Variants in DPYSL3 observed in about 807,000 individuals in gnomAD.
DPYSL3 encodes the protein dihydropyrimidinase like 3, also known as dihydropyrimidinase-related protein 3.
A neutral mutation model predicts 66.1 loss-of-function variants in DPYSL3; 16 were observed. The ratio of observed to expected loss-of-function variants is 0.24; its 90% CI spans 0.16 to 0.37. The LOEUF (loss-of-function observed/expected upper bound fraction) is 0.37, where lower values mean the gene tolerates loss of function less well. DPYSL3 is among the 10% of genes least tolerant of loss of function. The pLI is 1.00. For missense variants in DPYSL3, 738 were observed against 916.2 expected, an observed-to-expected ratio of 0.81 and a Z score of 2.51; for synonymous variants, 338 against 345.1, an observed-to-expected ratio of 0.98 and a Z score of 0.23.
chr5:147,426,428 T>C (rs186954590), intron 1 of DPYSL3, among the ~76,000 whole-genome samples: 1 of 152,060 alleles, frequency 6.6e-6, no homozygotes, highest in Non-Finnish European at 1.5e-5. Context: ...AGTTTGAGTT[T>C]GAATGAAAAT....
chr5:147,435,032 C>A (rs567637323), intron 1 of DPYSL3, among the ~76,000 whole-genome samples: 18 of 152,186 alleles, frequency 1.2e-4, no homozygotes, highest in African/African-American at 4.1e-4. Flanking sequence ...TATGGGAGCT[C>A]TCTGTACTTT....
At chr5:147,399,485 A>C (rs1758107942) in intron 10 of DPYSL3, among the ~76,000 whole-genome samples, 1 of 152,142 alleles carries the variant, frequency 6.6e-6, no homozygotes, top group Non-Finnish European at 1.5e-5. Flanking sequence ...CTGCCCCTGA[A>C]GTATGCATTT....
chr5:147,468,991 G>T (rs1309107868), intron 1 of DPYSL3, among the ~76,000 whole-genome samples: 2 of 152,130 alleles, frequency 1.3e-5, no homozygotes, highest in Non-Finnish European at 2.9e-5. Context: ...TACAATGTAC[G>T]CTATTTTCCA....
chr5:147,405,847 G>A (rs1159439430), intron 7 of DPYSL3, 117 bp from the exon 8 acceptor site: 9 of 1,388,908 alleles, frequency 6.5e-6, no homozygotes, highest in Admixed American at 4.7e-5. Context: ...AATTTTGGCA[G>A]GATCTGGAAT....
chr5:147,414,696 G>A (rs944051474), intron 4 of DPYSL3, among the ~76,000 whole-genome samples: 1 of 152,200 alleles, frequency 6.6e-6, no homozygotes, highest in Non-Finnish European at 1.5e-5. Flanking sequence ...CGCAAATACA[G>A]AAAGAAGGAG....
chr5:147,492,870 A>G (rs1489073012), intron 1 of DPYSL3, among the ~76,000 whole-genome samples: 1 of 152,196 alleles, frequency 6.6e-6, no homozygotes, highest in Admixed American at 6.5e-5. Context: ...TCAATGATCC[A>G]AATACACCAG....
At chr5:147,404,497 T>A (rs1374352638) in intron 8 of DPYSL3, among the ~76,000 whole-genome samples, 1 of 152,190 alleles carries the variant, frequency 6.6e-6, no homozygotes, top group Non-Finnish European at 1.5e-5. Context: ...TGGGCCTCTC[T>A]ACTACCAGAA....
chr5:147,490,092 G>C (rs1753392844), intron 1 of DPYSL3, among the ~76,000 whole-genome samples: 1 of 152,042 alleles, frequency 6.6e-6, no homozygotes, highest in African/African-American at 2.4e-5. Context: ...TGTGGCCCAA[G>C]TAATGTTACT....
chr5:147,484,230 T>C (rs1464774876), intron 1 of DPYSL3, among the ~76,000 whole-genome samples: 1 of 152,190 alleles, frequency 6.6e-6, no homozygotes, highest in Non-Finnish European at 1.5e-5. Context: ...TCTCCTAAAG[T>C]GGTTTCCTCC....
Position 147,503,173 on chromosome 5 carries a change from T to C in DPYSL3, c.381+6305A>G, listed in dbSNP as rs73264248. Among the ~76,000 whole-genome samples, 1,461 of 152,300 alleles carry C rather than the reference T, an allele frequency of 9.6e-3. 18 individuals are homozygous for C. Among genetic ancestry groups the C allele is most frequent in the African/African-American group, 0.034 (1,404 of 41,562 alleles). ...TATTATCTATTTAGTCTAGGGACCA[T>C]AGACTTCCAAGCACTCACCCAATTT... On this transcript the variant is annotated intron_variant, in intron 1 of 13. Coordinates refer to ENST00000343218, the MANE Select transcript of DPYSL3 (RefSeq NM_001197294.2).
intron 1 of DPYSL3, among the ~76,000 whole-genome samples, chr5:147,457,029 T>C (rs1457164865): frequency 7.3e-6 from 1 of 137,318 alleles, no homozygotes; most frequent in African/African-American, 3.3e-5. Context: ...CCATCACTCA[T>C]TCATTCATTC....
chr5:147,453,484 C>G, intron 1 of DPYSL3: 1 of 1,497,898 alleles, frequency 6.7e-7, no homozygotes, highest in Non-Finnish European at 8.9e-7. Context: ...CCGAGCCGAC[C>G]CCGCCCGCAG....
chr5:147,463,426 T>C (rs2126413218), intron 1 of DPYSL3, among the ~76,000 whole-genome samples: 1 of 152,172 alleles, frequency 6.6e-6, no homozygotes, highest in Non-Finnish European at 1.5e-5. Flanking sequence ...CAGCGTTGAC[T>C]TGGACCCGGA....
intron 1 of DPYSL3, among the ~76,000 whole-genome samples, chr5:147,460,112 G>GAAAA (rs548859726): frequency 7.0e-6 from 1 of 141,908 alleles, no homozygotes; most frequent in African/African-American, 2.6e-5. Flanking sequence ...CTCCGTCTCA[G>GAAAA]AAAAAAAAAA....
chr5:147,484,845 A>C (rs1375924024), intron 1 of DPYSL3, among the ~76,000 whole-genome samples: 1 of 152,240 alleles, frequency 6.6e-6, no homozygotes, highest in African/African-American at 2.4e-5. Flanking sequence ...ATTGGGAAAC[A>C]GAAATGCTTA....
At chr5:147,412,477 C>A in intron 6 of DPYSL3, 131 bp downstream of exon 6, 1 of 814,840 alleles carries the variant, frequency 1.2e-6, no homozygotes, top group Non-Finnish European at 2.0e-6. Flanking sequence ...TACCTTGGAG[C>A]AGGTTCTGTC....
In DPYSL3 at chr5:147,397,850, A is replaced by G; in HGVS notation, c.1624-5T>C. 6.3e-7 allele frequency: 1 copy of G among 1,595,346 alleles called. No homozygotes were observed. The highest frequency in any genetic ancestry group is 1.9e-4 in the Middle Eastern group (1 of 5,168). ...AAAGATGTTGTACTCTGCCGCCTAG[A>G]GGCAGGGGTGAGAAGCAAAGCCACA... On this transcript the variant is annotated splice_region_variant and splice_polypyrimidine_tract_variant and intron_variant, in intron 11 of 13. Coordinates refer to ENST00000343218, the MANE Select transcript of DPYSL3 (RefSeq NM_001197294.2).
At chr5:147,506,155 G>A (rs1384564720) in intron 1 of DPYSL3, among the ~76,000 whole-genome samples, 1 of 152,154 alleles carries the variant, frequency 6.6e-6, no homozygotes, top group Non-Finnish European at 1.5e-5. Context: ...GGCAGTAGGA[G>A]TGCTGTATTA....
At chr5:147,477,976 T>C (rs1280682208) in intron 1 of DPYSL3, among the ~76,000 whole-genome samples, 1 of 152,212 alleles carries the variant, frequency 6.6e-6, no homozygotes, top group Non-Finnish European at 1.5e-5. Flanking sequence ...TTAGAGCTTG[T>C]CCAGAATCAC....
Sources: allele counts gnomAD v4.1 joint callset (sites outside exome capture counted in the v4.1 genomes callset), GRCh38; gene constraint gnomAD v4.1.1; transcripts MANE v1.5; gene names NCBI Gene and HGNC (gene_info 2026-07-23, HGNC 2026-07-21).